The following CD300E variants were observed in gnomAD, a reference collection of about 807,000 sequenced individuals.
CD300E encodes CMRF35-like molecule 2.
A neutral mutation model predicts 20.9 loss-of-function variants in CD300E; 14 were observed. That is an observed-to-expected ratio of 0.67 (90% confidence interval 0.44 to 1.05). The LOEUF (loss-of-function observed/expected upper bound fraction) is 1.05, where lower values mean the gene tolerates loss of function less well. Ranked by LOEUF, CD300E falls within the 50% of genes least tolerant of loss-of-function variation. CD300E has a pLI of 0.00. For synonymous variants in CD300E, 102 were observed against 103.7 expected, an observed-to-expected ratio of 0.98 and a Z score of 0.10; for missense variants, 237 against 253.9, an observed-to-expected ratio of 0.93 and a Z score of 0.45.
Position 74,617,118 on chromosome 17 carries a change from C to A in CD300E, c.388G>T (p.Ala130Ser). 1 of 1,613,126 alleles carries A rather than the reference C, an allele frequency of 6.2e-7. No individual in the cohort carries two copies. The highest frequency in any genetic ancestry group is 1.1e-5 in the South Asian group (1 of 91,084). The part of the protein sequence containing the change: ...SDLVRVYVSP[A>S]ITTPRRTTHP... ...CTGCCAAAGTGAGGGGAGCTCTTAC[C>A]TGGGGAAACATACACCCTAACCAGG... The change falls in exon 2 of 4, where the codon GCA becomes TCA. Residue 130 changes from alanine (A) to serine (S), a missense_variant and splice_region_variant. Transcript: ENST00000392619.
rs115432439 is a variant in CD300E, at chr17:74,617,560, C to T, written c.41-95G>A. 2.5e-3 allele frequency: 2,668 copies of T among 1,083,618 alleles called. 41 individuals are homozygous for T. In the African/African-American group the frequency reaches 0.037, roughly 15 times the overall value. The allele number at this position is 1,083,618 out of a possible 1,614,324, so 67.1% of individuals were successfully genotyped here. ...TTAAGGGGAAGATTGCCAGGGAGAC[C>T]TGGGTGTTTCCTGGGAGGGGAACCT... On this transcript the variant is annotated intron_variant, in intron 1 of 3. Coordinates refer to ENST00000392619, the MANE Select transcript of CD300E (RefSeq NM_181449.3).
In CD300E at chr17:74,611,852, C is replaced by G. The variant is rs886704639; in HGVS notation, c.*801G>C. Reference sequence around the variant, plus strand: ...CACGGCCCACCCAGGCAGAGATGTTCTGAGCCCAGCCACACACTGCCTGGT... The same window carrying G: ...CACGGCCCACCCAGGCAGAGATGTTGTGAGCCCAGCCACACACTGCCTGGT... On this transcript the variant is annotated 3_prime_UTR_variant, in exon 4 of 4. Coordinates refer to ENST00000392619, the MANE Select transcript of CD300E (RefSeq NM_181449.3). 4 of 152,368 alleles carry G rather than the reference C, an allele frequency of 2.6e-5. No homozygotes were observed. The highest frequency in any genetic ancestry group is 9.6e-5 in the African/African-American group (4 of 41,458). The allele number at this position is 152,368 out of a possible 1,614,324, so 9.4% of individuals were successfully genotyped here. A position where few individuals can be genotyped will look rare whatever the true frequency, so the allele number is the denominator to read the frequency against.
At chr17:74,614,673 G>C (rs1173228995) in intron 2 of CD300E, among the ~76,000 whole-genome samples, 1 of 152,018 alleles carries the variant, frequency 6.6e-6, no homozygotes, top group Non-Finnish European at 1.5e-5. Context: ...GTTGAGATGG[G>C]GTTTCTCCAT....
In CD300E at chr17:74,612,464, A is replaced by G; in HGVS notation, c.*189T>C. Reference sequence around the variant, plus strand: ...GGCAGGGGACTGGGGAGGAGAAAGGAGGACCCCCAAGCTGCACATTGAGGA... The same window carrying G: ...GGCAGGGGACTGGGGAGGAGAAAGGGGGACCCCCAAGCTGCACATTGAGGA... On this transcript the variant is annotated 3_prime_UTR_variant, in exon 4 of 4. Transcript: ENST00000392619. The G allele has an allele frequency of 1.6e-6, 1 of 615,200 alleles. No individual in the cohort carries two copies. Among genetic ancestry groups the G allele is most frequent in the Non-Finnish European group, 2.6e-6 (1 of 378,844 alleles). 38.1% of individuals were successfully genotyped at this position (615,200 alleles called of 1,614,324 possible).
In CD300E at chr17:74,610,520, C is replaced by A. The variant is rs1174056119; in HGVS notation, c.*2133G>T. On this transcript the variant is annotated 3_prime_UTR_variant, in exon 4 of 4. Coordinates refer to ENST00000392619, the MANE Select transcript of CD300E (RefSeq NM_181449.3). ...GACTTTCCTACTTCTGTCAATGATG[C>A]CCGATTCCTCTGGTTTTCCAGGCTT... The A allele has an allele frequency of 6.6e-6, 1 of 152,234 alleles. No homozygotes were observed. Among genetic ancestry groups the A allele is most frequent in the Non-Finnish European group, 1.5e-5 (1 of 68,056 alleles). The allele number at this position is 152,234 out of a possible 1,614,324, so 9.4% of individuals were successfully genotyped here.
chr17:74,617,355 G>A lies in CD300E; in HGVS notation c.151C>T (p.Arg51Ter), dbSNP rs772762452. 7.4e-6 allele frequency: 12 copies of A among 1,614,080 alleles called. No individual in the cohort carries two copies. Among genetic ancestry groups the A allele is most frequent in the South Asian group, 3.3e-5 (3 of 91,064 alleles). ...TCACATGACGTGTCGTACTGTCCTCGGCACCAGTACTTGTTATATCCCTTG... is the reference window on the plus strand; with the variant it reads ...TCACATGACGTGTCGTACTGTCCTCAGCACCAGTACTTGTTATATCCCTTG... ...MYKGYNKYWC[R>*]GQYDTSCESI... Residue 51 changes from arginine (R) to a stop codon, truncating the protein, a stop_gained, in exon 2 of 4, where the codon CGA becomes TGA. Transcript: ENST00000392619. LOFTEE classifies it high-confidence loss of function.
intron 2 of CD300E, among the ~76,000 whole-genome samples, chr17:74,616,542 A>G (rs1204736403): frequency 6.6e-6 from 1 of 152,140 alleles, no homozygotes; most frequent in Admixed American, 6.5e-5. Flanking sequence ...GGCCTTGTCA[A>G]GCACAGGTAG....
intron 2 of CD300E, among the ~76,000 whole-genome samples, chr17:74,616,754 T>C (rs1039826032): frequency 3.9e-5 from 6 of 152,048 alleles, no homozygotes; most frequent in Admixed American, 6.5e-5. Flanking sequence ...CAAAACAACA[T>C]GGTAGGGGGA....
chr17:74,619,023 A>C (rs1312516407), intron 1 of CD300E: 1 of 463,860 alleles, frequency 2.2e-6, no homozygotes, highest in African/African-American at 2.0e-5. Flanking sequence ...CCTGCTCCCC[A>C]CCTACGTTCT....
chr17:74,623,001 GTGA>G (rs2031052656), intron 1 of CD300E, among the ~76,000 whole-genome samples: 1 of 152,192 alleles, frequency 6.6e-6, no homozygotes, highest in Non-Finnish European at 1.5e-5. Flanking sequence ...GCCTCCCAAA[GTGA>G]TGGGATTACA....
chr17:74,613,899 A>G (rs1568033381), intron 3 of CD300E, 26 bp downstream of exon 3: 9 of 1,562,242 alleles, frequency 5.8e-6, no homozygotes, highest in Middle Eastern at 3.4e-4. Flanking sequence ...TGCTCCCTCC[A>G]TGGCCTCCAG....
At chr17:74,616,027 T>TA (rs2030891923) in intron 2 of CD300E, among the ~76,000 whole-genome samples, 1 of 152,026 alleles carries the variant, frequency 6.6e-6, no homozygotes, top group African/African-American at 2.4e-5. Flanking sequence ...GAGGTTGCAG[T>TA]AAGCCGAGAT....
chr17:74,613,858 C>A, intron 3 of CD300E, 67 bp downstream of exon 3: 1 of 1,022,262 alleles, frequency 9.8e-7, no homozygotes, highest in South Asian at 1.4e-5. Flanking sequence ...CACGGTGCGC[C>A]ACCCCCACCC....
chr17:74,620,275 C>T (rs1376939862), intron 1 of CD300E, among the ~76,000 whole-genome samples: 1 of 152,154 alleles, frequency 6.6e-6, no homozygotes, highest in African/African-American at 2.4e-5. Context: ...AGTTCGAAAC[C>T]AGCCTGGCTA....
intron 1 of CD300E, among the ~76,000 whole-genome samples, chr17:74,622,259 G>A (rs552660083): frequency 1.3e-5 from 2 of 151,910 alleles, no homozygotes; most frequent in Non-Finnish European, 2.9e-5. Context: ...AATGAGATAG[G>A]GGTGGAAAGA....
chr17:74,621,728 G>C (rs997505893), intron 1 of CD300E, among the ~76,000 whole-genome samples: 1 of 152,110 alleles, frequency 6.6e-6, no homozygotes. Context: ...CACCTCCATG[G>C]CCAATGGAAA....
At position 74,612,555 on chromosome 17, in the gene CD300E, A is replaced by G. The variant is rs1011285834; in HGVS notation, c.*98T>C. On this transcript the variant is annotated 3_prime_UTR_variant, in exon 4 of 4. Coordinates refer to ENST00000392619, the MANE Select transcript of CD300E (RefSeq NM_181449.3). ...AGGCACAGGAACAATAAATCCCTCCAGAGTCCACAGGTCTCTCGCATCCAG... is the reference window on the plus strand; with the variant it reads ...AGGCACAGGAACAATAAATCCCTCCGGAGTCCACAGGTCTCTCGCATCCAG... 1.6e-5 allele frequency: 24 copies of G among 1,491,108 alleles called. No homozygotes were observed. Among genetic ancestry groups the G allele is most frequent in the Non-Finnish European group, 2.0e-5 (22 of 1,106,412 alleles). 92.4% of individuals were successfully genotyped at this position (1,491,108 alleles called of 1,614,324 possible).
In CD300E at chr17:74,611,368, T is replaced by G. The variant is rs115349812; in HGVS notation, c.*1285A>C. ...CTGGCATCACTAGCTCAGGATGAGC[T>G]CAGGCCTGGGGGCAGAGGGGGAGCA... On this transcript the variant is annotated 3_prime_UTR_variant, in exon 4 of 4. Coordinates refer to ENST00000392619, the MANE Select transcript of CD300E (RefSeq NM_181449.3). 1 of 152,298 alleles carries G rather than the reference T, an allele frequency of 6.6e-6. No homozygotes were observed. Among genetic ancestry groups the G allele is most frequent in the Admixed American group, 6.5e-5 (1 of 15,288 alleles). 9.4% of individuals were successfully genotyped at this position (152,298 alleles called of 1,614,324 possible). A position where few individuals can be genotyped will look rare whatever the true frequency, so the allele number is the denominator to read the frequency against.
At position 74,617,450 on chromosome 17, in the gene CD300E, T is replaced by A. The variant is rs581157; in HGVS notation, c.56A>T (p.Lys19Met). The A allele has an allele frequency of 8.7e-6, 14 of 1,611,662 alleles. No individual in the cohort carries two copies. Among genetic ancestry groups the A allele is most frequent in the East Asian group, 2.2e-5 (1 of 44,826 alleles). Reference sequence around the variant, plus strand: ...AGTGCCAGTCACAGAGCCGGGGCCCTTCAGAGACAAACAGCCTGGAAAACA... The same window carrying A: ...AGTGCCAGTCACAGAGCCGGGGCCCATCAGAGACAAACAGCCTGGAAAACA... ...LLCLSGCLSL[K>M]GPGSVTGTAG... Residue 19 changes from lysine (K) to methionine (M), a missense_variant, in exon 2 of 4, where the codon AAG (lysine) becomes ATG (methionine). By Grantham distance (95) the Lys-to-Met change is moderately conservative. Coordinates refer to ENST00000392619, the MANE Select transcript of CD300E (RefSeq NM_181449.3).
Sources: gnomAD v4.1 joint callset for allele counts (sites outside exome capture counted in the v4.1 genomes callset) on GRCh38, gnomAD v4.1.1 for gene constraint, MANE v1.5 for transcripts, NCBI Gene and HGNC (gene_info 2026-07-23, HGNC 2026-07-21) for gene names.